The following KIF5C variants were observed in gnomAD, a reference collection of about 807,000 sequenced individuals.
KIF5C encodes kinesin heavy chain isoform 5C.
Under a neutral mutation model 125.2 loss-of-function variants are expected in KIF5C, and 18 were observed. That is an observed-to-expected ratio of 0.14 (90% CI 0.10 to 0.21). The LOEUF (loss-of-function observed/expected upper bound fraction) is 0.21, where lower values mean the gene tolerates loss of function less well. Among genes scored for constraint, KIF5C ranks in the 10% least tolerant of loss-of-function variants. KIF5C has a pLI of 1.00. For missense variants in KIF5C, 780 were observed against 1,183.8 expected, an observed-to-expected ratio of 0.66 and a Z score of 5.01; for synonymous variants, 405 against 434.0, an observed-to-expected ratio of 0.93 and a Z score of 0.83.
Position 148,994,454 on chromosome 2 carries a change from A to G in KIF5C, c.1939A>G (p.Met647Val), listed in dbSNP as rs1364754230. Residue 647 changes from methionine to valine, a missense_variant, in exon 17 of 26, where the codon ATG becomes GTG. By Grantham distance (21) the Met-to-Val change is conservative. Coordinates refer to ENST00000435030, the MANE Select transcript of KIF5C (RefSeq NM_004522.3). Reference protein sequence around the residue: ...EAKIKSLTDYMQNMEQKRRQL... With the variant: ...EAKIKSLTDYVQNMEQKRRQL... ...CAAGATCAAGTCTCTGACAGACTAC[A>G]TGCAGAACATGGAACAGAAGAGGAG... is the stretch of plus-strand genomic sequence containing the variant. The G allele has an allele frequency of 6.4e-7, 1 of 1,573,310 alleles. No individual in the cohort carries two copies.
In KIF5C at chr2:148,935,059, G is replaced by C. The variant is rs1558904703; in HGVS notation, c.292-2225G>C. 2 of 420,226 alleles carry C rather than the reference G, an allele frequency of 4.8e-6. No individual in the cohort carries two copies. Among genetic ancestry groups the C allele is most frequent in the Non-Finnish European group, 9.5e-6 (2 of 210,366 alleles). The allele number at this position is 420,226 out of a possible 1,614,324, so 26.0% of individuals were successfully genotyped here. ...CAGCTCCTAGGCCTGTGGTAGATGT[G>C]GGTATGCTTCTGTTCCTGTGGGGAT... On this transcript the variant is annotated intron_variant, in intron 3 of 25. Transcript: ENST00000435030.
In KIF5C at chr2:148,876,983, G is replaced by C. The variant is rs1035360571; in HGVS notation, c.126+1240G>C. Among the ~76,000 whole-genome samples, 1 of 152,226 alleles carries C rather than the reference G, an allele frequency of 6.6e-6. No individual in the cohort carries two copies. The highest frequency in any genetic ancestry group is 2.4e-5 in the African/African-American group (1 of 41,452). On this transcript the variant is annotated intron_variant, in intron 1 of 25. Transcript: ENST00000435030. This position sits in a 1 kb window ranked among gnomAD's most constrained non-coding sequence, Gnocchi z 4.7. ...CTTCCTCCAGTGGCTGGTGTATTTA[G>C]GTCAAGTGATTGACAGGTGACAGTT...
intron 12 of KIF5C, among the ~76,000 whole-genome samples, chr2:148,975,948 C>T (rs1046015554): frequency 3.3e-5 from 5 of 152,136 alleles, no homozygotes; most frequent in African/African-American, 4.8e-5. Context: ...CTGGGCTGGG[C>T]TCTGCTTACT....
intron 11 of KIF5C, among the ~76,000 whole-genome samples, chr2:148,965,787 T>C (rs1464906701): frequency 6.6e-6 from 1 of 152,184 alleles, no homozygotes; most frequent in East Asian, 1.9e-4. Context: ...TGAGTGGGCC[T>C]GACTCTAAAG....
At chr2:148,998,079 AT>A (rs1681732153) in intron 18 of KIF5C, 2 of 362,190 alleles carry the variant, frequency 5.5e-6, no homozygotes, top group African/African-American at 4.1e-5. Context: ...GGTTACGTGG[AT>A]AGGGAGAGGT....
chr2:148,983,578 A>T, intron 14 of KIF5C, 42 bp from the exon 15 acceptor site: 1 of 1,509,902 alleles, frequency 6.6e-7, no homozygotes, highest in Non-Finnish European at 8.9e-7. Context: ...TATGAAATTG[A>T]TGGGCAACCC....
At chr2:148,985,224 G>T (rs974405579) in intron 15 of KIF5C, among the ~76,000 whole-genome samples, 1 of 152,054 alleles carries the variant, frequency 6.6e-6, no homozygotes, top group Non-Finnish European at 1.5e-5. Flanking sequence ...CCCAGAACAG[G>T]TAACAATTTG....
At chr2:148,957,047 T>A (rs1449526327) in intron 10 of KIF5C, among the ~76,000 whole-genome samples, 1 of 152,222 alleles carries the variant, frequency 6.6e-6, no homozygotes, top group Non-Finnish European at 1.5e-5. Flanking sequence ...GGTATCACAA[T>A]TGCTGTATAT....
chr2:148,959,736 G>A (rs1285380475), intron 10 of KIF5C, among the ~76,000 whole-genome samples: 1 of 152,148 alleles, frequency 6.6e-6, no homozygotes, highest in Non-Finnish European at 1.5e-5. Context: ...CATGCAATGG[G>A]CTCCTTTTCC....
Position 148,881,754 on chromosome 2 carries a change from T to C in KIF5C, c.126+6011T>C, listed in dbSNP as rs567432986. Among the ~76,000 whole-genome samples the C allele has an allele frequency of 1.6e-3, 230 of 145,700 alleles. 8 individuals carry two copies. The highest frequency in any genetic ancestry group is 6.2e-3 in the African/African-American group (219 of 35,320). ...GTGGTGATTTAGAGGGTGAACTCAC[T>C]GGAATGGGGATGCTTGCATGTGTAA... On this transcript the variant is annotated intron_variant, in intron 1 of 25. Transcript: ENST00000435030.
intron 13 of KIF5C, among the ~76,000 whole-genome samples, chr2:148,980,864 C>T (rs1480583208): frequency 2.0e-5 from 3 of 152,006 alleles, no homozygotes. Context: ...CACCACCACA[C>T]CCAGCTATTT....
intron 3 of KIF5C, among the ~76,000 whole-genome samples, chr2:148,936,345 C>T (rs1015082545): frequency 2.0e-5 from 3 of 152,186 alleles, no homozygotes; most frequent in Non-Finnish European, 4.4e-5. Flanking sequence ...TGGCACTGAT[C>T]ACTTTAAACC....
chr2:148,971,375 A>G (rs188273862), intron 11 of KIF5C, among the ~76,000 whole-genome samples: 1 of 152,224 alleles, frequency 6.6e-6, no homozygotes, highest in Admixed American at 6.5e-5. Flanking sequence ...AAAAAAGAAC[A>G]TGGTACAGCT....
In KIF5C at chr2:148,962,097, G is replaced by A; in HGVS notation, c.1095G>A (p.Met365Ile). 1 of 1,610,530 alleles carries A rather than the reference G, an allele frequency of 6.2e-7. No individual in the cohort carries two copies. Among genetic ancestry groups the A allele is most frequent in the Non-Finnish European group, 8.5e-7 (1 of 1,178,130 alleles). The part of the protein sequence containing the change: ...TLKNVIQHLE[M>I]ELNRWRNGEA... The stretch of plus-strand genomic sequence containing the variant: ...AGAATGTTATCCAGCATCTGGAGAT[G>A]GAGCTAAACAGGTGGAGGAATGGTA... The change falls in exon 11 of 26, where the codon ATG becomes ATA. Residue 365 changes from methionine to isoleucine, a missense_variant. By Grantham distance (10) the Met-to-Ile change is conservative. Around this residue, in one of 2 missense-constraint regions of KIF5C, gnomAD observed 573 missense variants for 742.6 expected, o/e 0.77. Coordinates refer to ENST00000435030, the MANE Select transcript of KIF5C (RefSeq NM_004522.3).
At chr2:148,925,539 G>A (rs1681956851) in intron 2 of KIF5C, among the ~76,000 whole-genome samples, 1 of 152,200 alleles carries the variant, frequency 6.6e-6, no homozygotes, top group African/African-American at 2.4e-5. Flanking sequence ...AGGAATTTGA[G>A]GCTCAGAGAA....
chr2:148,905,470 G>A (rs1681068624), intron 1 of KIF5C, among the ~76,000 whole-genome samples: 1 of 152,182 alleles, frequency 6.6e-6, no homozygotes, highest in African/African-American at 2.4e-5. Flanking sequence ...GGGGACAGCT[G>A]TGGGTGCCTT....
At chr2:148,974,026 T>A (rs908068554) in intron 12 of KIF5C, among the ~76,000 whole-genome samples, 2 of 152,204 alleles carry the variant, frequency 1.3e-5, no homozygotes, top group South Asian at 4.1e-4. Flanking sequence ...CACGGGTATA[T>A]TCTTGAATGA....
At chr2:148,939,903 A>G (rs1337350840) in intron 4 of KIF5C, among the ~76,000 whole-genome samples, 1 of 152,244 alleles carries the variant, frequency 6.6e-6, no homozygotes, top group African/African-American at 2.4e-5. Flanking sequence ...TTTAAATGAC[A>G]AAACAACAAA....
intron 25 of KIF5C, among the ~76,000 whole-genome samples, chr2:149,016,551 C>T (rs1358755738): frequency 6.6e-6 from 1 of 152,170 alleles, no homozygotes; most frequent in East Asian, 1.9e-4. Context: ...TTTTTGTGGG[C>T]TCTAGCAGTT....
Sources: gnomAD v4.1 joint callset for allele counts (sites outside exome capture counted in the v4.1 genomes callset) on GRCh38, gnomAD v4.1.1 for gene constraint, gnomAD v4.1.1 regional missense constraint, Gnocchi (gnomAD v3.1) non-coding constraint, MANE v1.5 for transcripts, NCBI Gene and HGNC (gene_info 2026-07-23, HGNC 2026-07-21) for gene names.